The following HYCC2 variants were observed in gnomAD, a reference collection of about 807,000 sequenced individuals.
HYCC2 encodes hyccin PI4KA lipid kinase complex subunit 2, also known as hyccin 2.
At chr2:201,035,297 G>A in the HYCC2 span, among the ~76,000 whole-genome samples, 6 of 151,968 alleles carry the variant, frequency 3.9e-5, no homozygotes, top group South Asian at 4.1e-4. Flanking sequence ...GGCTTTGTTC[G>A]TTTCTTTTTA....
chr2:201,066,165 C>T, the HYCC2 span, among the ~76,000 whole-genome samples: 1 of 151,886 alleles, frequency 6.6e-6, no homozygotes, highest in South Asian at 2.1e-4. Context: ...CCTCCACTTC[C>T]TAGGTTCAAG....
chr2:201,033,461 T>C, the HYCC2 span, among the ~76,000 whole-genome samples: 2 of 151,818 alleles, frequency 1.3e-5, no homozygotes, highest in Admixed American at 6.6e-5. Context: ...TGGAGTGCAG[T>C]GGCGCGATCT....
chr2:201,038,264 G>A, the HYCC2 span, among the ~76,000 whole-genome samples: 4 of 152,160 alleles, frequency 2.6e-5, no homozygotes, highest in African/African-American at 4.8e-5. Context: ...AGAGGATGTG[G>A]AGAAATAGGA....
At chr2:201,020,105 C>G in the HYCC2 span, among the ~76,000 whole-genome samples, 2 of 151,824 alleles carry the variant, frequency 1.3e-5, no homozygotes, top group African/African-American at 2.4e-5. Context: ...AACAAACAAA[C>G]AATAAAAAAA....
the HYCC2 span, among the ~76,000 whole-genome samples, chr2:201,011,697 T>C: frequency 6.6e-6 from 1 of 152,188 alleles, no homozygotes; most frequent in Non-Finnish European, 1.5e-5. Context: ...GAGATGGACA[T>C]TGAGTACAAT....
the HYCC2 span, among the ~76,000 whole-genome samples, chr2:201,012,060 G>A: frequency 6.6e-6 from 1 of 152,098 alleles, no homozygotes; most frequent in South Asian, 2.1e-4. Context: ...ACACCTCATA[G>A]TTATCCCTTT....
chr2:201,068,110 TC>T, the HYCC2 span, among the ~76,000 whole-genome samples: 1 of 151,548 alleles, frequency 6.6e-6, no homozygotes, highest in Admixed American at 6.6e-5. Context: ...CTTGGAGAAA[TC>T]CCGTCTCTAC....
the HYCC2 span, among the ~76,000 whole-genome samples, chr2:201,026,528 A>C: frequency 6.6e-6 from 1 of 152,228 alleles, no homozygotes; most frequent in African/African-American, 2.4e-5. Context: ...TCAGCACTAC[A>C]TCACACTTAT....
chr2:201,043,259 C>G, the HYCC2 span, among the ~76,000 whole-genome samples: 29 of 151,964 alleles, frequency 1.9e-4, no homozygotes, highest in African/African-American at 5.8e-4. Flanking sequence ...TCACCACTCC[C>G]TAATCTCAAC....
the HYCC2 span, among the ~76,000 whole-genome samples, chr2:201,046,321 T>C: frequency 1.3e-5 from 2 of 152,198 alleles, no homozygotes; most frequent in Non-Finnish European, 2.9e-5. Context: ...TTATTTTAAC[T>C]GAAGATGTGT....
the HYCC2 span, among the ~76,000 whole-genome samples, chr2:201,040,556 T>C: frequency 6.6e-6 from 1 of 151,788 alleles, no homozygotes; most frequent in Non-Finnish European, 1.5e-5. Context: ...TGGCAAAATC[T>C]CAGCTCACTG....
At chr2:200,984,603 G>T in the HYCC2 span, among the ~76,000 whole-genome samples, 1 of 152,212 alleles carries the variant, frequency 6.6e-6, no homozygotes, top group African/African-American at 2.4e-5. Context: ...TAAAAAGCTT[G>T]GTGGGGTATG....
the HYCC2 span, among the ~76,000 whole-genome samples, chr2:201,039,729 AAG>A: frequency 6.6e-6 from 1 of 152,218 alleles, no homozygotes; most frequent in Non-Finnish European, 1.5e-5. Flanking sequence ...AACTGAATAA[AAG>A]AATACATAAA....
chr2:201,067,229 G>C, the HYCC2 span: 1 of 196,224 alleles, frequency 5.1e-6, no homozygotes, highest in Non-Finnish European at 1.1e-5. Context: ...ATATATATTA[G>C]TATCTTCTCA....
the HYCC2 span, chr2:200,996,808 T>G: frequency 6.6e-6 from 1 of 152,174 alleles, no homozygotes; most frequent in Non-Finnish European, 1.5e-5. Context: ...CCTTAAGACT[T>G]TCCCCATATA....
At chr2:201,024,037 T>C in the HYCC2 span, 7 of 1,579,028 alleles carry the variant, frequency 4.4e-6, no homozygotes, top group Non-Finnish European at 6.1e-6. Context: ...TCCTCTTTTA[T>C]CTCTAAAAGA....
the HYCC2 span, chr2:200,981,372 T>G: frequency 6.2e-7 from 1 of 1,614,192 alleles, no homozygotes; most frequent in South Asian, 1.1e-5. This position sits in a 1 kb window ranked among gnomAD's most constrained non-coding sequence, Gnocchi z 4.5. Context: ...CAGCTTGACC[T>G]AGCCGGTCTT....
chr2:201,033,859 A>G, the HYCC2 span, among the ~76,000 whole-genome samples: 2 of 152,160 alleles, frequency 1.3e-5, no homozygotes, highest in African/African-American at 4.8e-5. Flanking sequence ...CTTTTTAAAA[A>G]GCAACACAAA....
At chr2:201,047,625 A>G in the HYCC2 span, among the ~76,000 whole-genome samples, 1 of 151,674 alleles carries the variant, frequency 6.6e-6, no homozygotes, top group East Asian at 1.9e-4. Flanking sequence ...ATTAAAAGAA[A>G]ATTCTACCCA....
Sources: gnomAD v4.1 joint callset for allele counts (sites outside exome capture counted in the v4.1 genomes callset) on GRCh38, gnomAD v4.1.1 for gene constraint, Gnocchi (gnomAD v3.1) non-coding constraint, MANE v1.5 for transcripts, NCBI Gene and HGNC (gene_info 2026-07-23, HGNC 2026-07-21) for gene names.